SYT1: variants seen among roughly 807,000 people sequenced by gnomAD.
SYT1 encodes synaptotagmin 1, also known as synaptotagmin-1.
In SYT1, 8 loss-of-function variants were observed where a neutral mutation model predicts 44.8. The ratio of observed to expected loss-of-function variants is 0.18; its 90% CI spans 0.10 to 0.32. The LOEUF is 0.32. Ranked by LOEUF, SYT1 falls within the 10% of genes least tolerant of loss-of-function variation. The pLI, the probability that SYT1 is intolerant of heterozygous loss-of-function variation, is 1.00. For missense variants in SYT1, 286 were observed against 509.3 expected, an observed-to-expected ratio of 0.56 and a Z score of 4.22; for synonymous variants, 154 against 188.8, an observed-to-expected ratio of 0.82 and a Z score of 1.51.
intron 3 of SYT1, among the ~76,000 whole-genome samples, chr12:79,062,548 T>C (rs896033328): frequency 6.6e-6 from 1 of 152,190 alleles, no homozygotes; most frequent in African/African-American, 2.4e-5. Flanking sequence ...TTTTTTGTTC[T>C]CCTGCTTCTT....
chr12:78,987,522 C>T (rs1001659272), intron 2 of SYT1, among the ~76,000 whole-genome samples: 1 of 151,986 alleles, frequency 6.6e-6, no homozygotes, highest in Non-Finnish European at 1.5e-5. Context: ...TTTATAGTTA[C>T]ATCCTTATCC....
intron 8 of SYT1, 100 bp downstream of exon 8, chr12:79,299,651 G>T (rs1880039302): frequency 1.4e-6 from 2 of 1,432,908 alleles, no homozygotes; most frequent in Admixed American, 4.6e-5. Context: ...AGGGGGATGT[G>T]GGCCTCTAGT....
intron 3 of SYT1, among the ~76,000 whole-genome samples, chr12:79,124,490 GA>G (rs978222029): frequency 7.2e-5 from 11 of 151,956 alleles, no homozygotes; most frequent in African/African-American, 2.7e-4. Context: ...GGATAATCTG[GA>G]AAAAAGCGTG....
At chr12:78,904,381 A>G (rs1185112484) in intron 1 of SYT1, among the ~76,000 whole-genome samples, 1 of 152,148 alleles carries the variant, frequency 6.6e-6, no homozygotes, top group Non-Finnish European at 1.5e-5. Context: ...ATAAAATTTG[A>G]ATTTTTTAGT....
At chr12:78,897,574 T>C (rs895184842) in intron 1 of SYT1, among the ~76,000 whole-genome samples, 3 of 152,002 alleles carry the variant, frequency 2.0e-5, no homozygotes, top group Non-Finnish European at 4.4e-5. Context: ...AGTCAGATGA[T>C]GGTTTCACAC....
At chr12:79,082,931 T>A (rs1430669638) in intron 3 of SYT1, among the ~76,000 whole-genome samples, 2 of 151,464 alleles carry the variant, frequency 1.3e-5, no homozygotes, top group African/African-American at 4.9e-5. Flanking sequence ...AAAGGAAAAA[T>A]TTTTTAATGA....
At chr12:78,905,716 A>G (rs1875941655) in intron 1 of SYT1, among the ~76,000 whole-genome samples, 1 of 152,082 alleles carries the variant, frequency 6.6e-6, no homozygotes, top group African/African-American at 2.4e-5. Context: ...ACATTGGACT[A>G]TTATTCCTTT....
At chr12:78,965,599 T>C (rs1053857850) in intron 1 of SYT1, among the ~76,000 whole-genome samples, 6 of 152,154 alleles carry the variant, frequency 3.9e-5, no homozygotes, top group African/African-American at 1.2e-4. Context: ...AAACCACTTT[T>C]TGAGAGTTTT....
At chr12:79,065,332 A>G (rs996904589) in intron 3 of SYT1, among the ~76,000 whole-genome samples, 2 of 152,284 alleles carry the variant, frequency 1.3e-5, no homozygotes, top group Admixed American at 6.5e-5. Flanking sequence ...TATAGGCTGC[A>G]GTGAGCCTTT....
At chr12:78,876,910 G>GTATTATATATAATATATATTATA (rs1874196993) in intron 1 of SYT1, among the ~76,000 whole-genome samples, 4 of 51,122 alleles carry the variant, frequency 7.8e-5, no homozygotes, top group Non-Finnish European at 1.8e-4. Context: ...TATATTATAT[G>GTATTATATATAATATATATTATA]TATTATATAT....
At chr12:79,120,463 G>A (rs1879535126) in intron 3 of SYT1, among the ~76,000 whole-genome samples, 1 of 151,994 alleles carries the variant, frequency 6.6e-6, no homozygotes, top group South Asian at 2.1e-4. Flanking sequence ...GAGAGGGAGA[G>A]CTGCTTAAAA....
chr12:79,377,240 T>C (rs1317034557), intron 9 of SYT1, among the ~76,000 whole-genome samples: 2 of 152,138 alleles, frequency 1.3e-5, no homozygotes, highest in Non-Finnish European at 2.9e-5. Flanking sequence ...GCCTCCCGAG[T>C]AGCTGGGACT....
At chr12:79,325,605 A>C (rs908371478) in intron 8 of SYT1, among the ~76,000 whole-genome samples, 2 of 152,206 alleles carry the variant, frequency 1.3e-5, no homozygotes, top group African/African-American at 4.8e-5. Flanking sequence ...GAAAACAGAG[A>C]AAGGTTTGCC....
At chr12:79,257,462 TTTTTGTTTTGTTTTG>T (rs895666083) in intron 4 of SYT1, among the ~76,000 whole-genome samples, 1 of 152,136 alleles carries the variant, frequency 6.6e-6, no homozygotes, top group Non-Finnish European at 1.5e-5. Flanking sequence ...ACATTGCTGT[TTTTTGTTTTGTTTTG>T]TTTTGTTTTG....
At chr12:78,905,114 TG>T (rs1875892615) in intron 1 of SYT1, among the ~76,000 whole-genome samples, 2 of 152,190 alleles carry the variant, frequency 1.3e-5, no homozygotes, top group African/African-American at 4.8e-5. Flanking sequence ...GGCAATTTTT[TG>T]TTCCAGGACC....
rs182426596 is a variant in SYT1 at position 79,013,672 on chromosome 12, A to G, written c.-83-33625A>G. Among the ~76,000 whole-genome samples, 208 of 152,334 alleles carry G rather than the reference A, an allele frequency of 1.4e-3. 1 individual carries two copies. Among genetic ancestry groups the G allele is most frequent in the African/African-American group, 4.7e-3 (196 of 41,572 alleles). Reference sequence around the variant, plus strand: ...CAATCCAGTCCAGTTATAGAAAACAAAGCAAAAACATCAGATAGGTTCTTC... The same window carrying G: ...CAATCCAGTCCAGTTATAGAAAACAGAGCAAAAACATCAGATAGGTTCTTC... On this transcript the variant is annotated intron_variant, in intron 2 of 10. Transcript: ENST00000261205.
chr12:79,179,494 T>C lies in SYT1; in HGVS notation c.-17-38009T>C, dbSNP rs1045646309. On this transcript the variant is annotated intron_variant, in intron 3 of 10. Transcript: ENST00000261205. The stretch of plus-strand genomic sequence containing the variant: ...ATAGATATAGAGATATAGATATATC[T>C]ATATAGATATAGATATAGATATATC... Among the ~76,000 whole-genome samples the C allele has an allele frequency of 5.4e-3, 579 of 108,102 alleles. 6 individuals carry two copies. Among genetic ancestry groups the C allele is most frequent in the South Asian group, 0.016 (56 of 3,562 alleles). The allele number at this position is 108,102 out of a possible 152,430, so 70.9% of individuals were successfully genotyped here.
chr12:78,928,273 C>T (rs1442756408), intron 1 of SYT1, among the ~76,000 whole-genome samples: 2 of 152,102 alleles, frequency 1.3e-5, no homozygotes, highest in Non-Finnish European at 2.9e-5. Context: ...CAATTGCTGT[C>T]AATCTTCCTG....
In SYT1 at chr12:79,196,447, T is replaced by C. The variant is rs370517035; in HGVS notation, c.-17-21056T>C. Among the ~76,000 whole-genome samples the C allele has an allele frequency of 7.0e-4, 107 of 152,304 alleles. 1 individual carries two copies. In the South Asian group the frequency reaches 0.021, roughly 30 times the overall value. On this transcript the variant is annotated intron_variant, in intron 3 of 10. Transcript: ENST00000261205. ...TCCCAAAGTACTGAGATTACAGGCA[T>C]GAGCCATCGCACCCGGCTGTACATT... is the stretch of plus-strand genomic sequence containing the variant.
Sources: gnomAD v4.1 joint callset for allele counts (sites outside exome capture counted in the v4.1 genomes callset) on GRCh38, gnomAD v4.1.1 for gene constraint, MANE v1.5 for transcripts, NCBI Gene and HGNC (gene_info 2026-07-23, HGNC 2026-07-21) for gene names.